The following LRFN5 variants were observed in gnomAD, a reference collection of about 807,000 sequenced individuals.
LRFN5 encodes leucine-rich repeat and fibronectin type-III domain-containing protein 5.
A neutral mutation model predicts 45.6 loss-of-function variants in LRFN5; 24 were observed. The observed-to-expected ratio is 0.53, with a 90% confidence interval of 0.38 to 0.74. The LOEUF (loss-of-function observed/expected upper bound fraction) is 0.74. Among genes scored for constraint, LRFN5 ranks in the 30% least tolerant of loss-of-function variants. The probability of loss-of-function intolerance (pLI) is 0.00; values close to 1 mark genes in which losing one functional copy is unlikely to be tolerated. For missense variants in LRFN5, 776 were observed against 861.5 expected, an observed-to-expected ratio of 0.90 and a Z score of 1.24; for synonymous variants, 340 against 313.8, an observed-to-expected ratio of 1.08 and a Z score of -0.88.
chr14:41,886,638 C>A lies in LRFN5; in HGVS notation c.13C>A (p.Leu5Ile), dbSNP rs1288934603. The part of the protein sequence containing the change: MEKI[L>I]FYLFLIGIAV... ...AACCTGATCTACAATGGAAAAAATT[C>A]TTTTTTATCTGTTTCTCATTGGCAT... Residue 5 changes from leucine to isoleucine, a missense_variant, in exon 3 of 6, where the codon CTT becomes ATT. Physicochemically the swap from Leu to Ile is conservative, Grantham distance 5 (BLOSUM62 2). Around this residue, in one of 2 missense-constraint regions of LRFN5, gnomAD observed 311 missense variants for 405.1 expected, o/e 0.77. Transcript: ENST00000298119. The A allele has an allele frequency of 5.1e-6, 8 of 1,577,786 alleles. No homozygotes were observed. The highest frequency in any genetic ancestry group is 2.2e-5 in the East Asian group (1 of 44,602).
At chr14:41,767,914 AT>A (rs200659628) in intron 2 of LRFN5, among the ~76,000 whole-genome samples, 5 of 151,094 alleles carry the variant, frequency 3.3e-5, no homozygotes, top group South Asian at 2.1e-4. Flanking sequence ...TGTTTGAGGC[AT>A]TTTTTTTTCT....
chr14:41,805,553 AC>A lies in LRFN5; in HGVS notation c.-21+38532del, dbSNP rs545584340. 9.9e-4 allele frequency among the ~76,000 whole-genome samples: 128 copies of A among 129,936 alleles called. 1 individual carries two copies. Among genetic ancestry groups the A allele is most frequent in the Non-Finnish European group, 1.7e-3 (102 of 60,354 alleles). The allele number at this position is 129,936 out of a possible 152,430, so 85.2% of individuals were successfully genotyped here. On this transcript the variant is annotated intron_variant, in intron 2 of 5. Coordinates refer to ENST00000298119, the MANE Select transcript of LRFN5 (RefSeq NM_152447.5). ...GTATATCTCCCAATGCTATCCCTCC[AC>A]CCCCCCCACCCCACAGCAGTACCCA...
intron 2 of LRFN5, among the ~76,000 whole-genome samples, chr14:41,817,426 T>G (rs986101986): frequency 5.9e-5 from 9 of 151,854 alleles, no homozygotes; most frequent in African/African-American, 2.2e-4. Flanking sequence ...TGGATAGGAG[T>G]GGAGAAGCCT....
At chr14:41,843,061 A>T (rs116520830) in intron 2 of LRFN5, among the ~76,000 whole-genome samples, 2,365 of 140,778 alleles carry the variant, frequency 0.017, 58 homozygotes, top group African/African-American at 0.058. Context: ...TTTGTTAAAA[A>T]TTTTCGTTTT....
At chr14:41,690,457 G>T (rs1243863430) in intron 1 of LRFN5, among the ~76,000 whole-genome samples, 1 of 152,124 alleles carries the variant, frequency 6.6e-6, no homozygotes, top group Non-Finnish European at 1.5e-5. Context: ...AGAGGCTGAG[G>T]CATGAAAATC....
At position 41,617,898 on chromosome 14, in the gene LRFN5, T is replaced by C. The variant is rs1044584926; in HGVS notation, c.-197+9336T>C. Among the ~76,000 whole-genome samples the C allele has an allele frequency of 7.9e-5, 12 of 152,266 alleles. No individual in the cohort carries two copies. In the East Asian group the frequency reaches 2.1e-3, roughly 27 times the overall value. ...ATGATGGGGTGAAACTTACAGATCATCTGTCCATCATGAACACTCTGGCAT... is the reference window on the plus strand; with the variant it reads ...ATGATGGGGTGAAACTTACAGATCACCTGTCCATCATGAACACTCTGGCAT... On this transcript the variant is annotated intron_variant, in intron 1 of 5. Coordinates refer to ENST00000298119, the MANE Select transcript of LRFN5 (RefSeq NM_152447.5).
chr14:41,788,487 T>C (rs1594709989), intron 2 of LRFN5, among the ~76,000 whole-genome samples: 1 of 152,090 alleles, frequency 6.6e-6, no homozygotes, highest in South Asian at 2.1e-4. Flanking sequence ...AAGAAGTAGA[T>C]GCAGGAAAGC....
At chr14:41,889,019 G>A (rs1248203473) in intron 3 of LRFN5, among the ~76,000 whole-genome samples, 6 of 147,246 alleles carry the variant, frequency 4.1e-5, no homozygotes, top group South Asian at 2.1e-4. Flanking sequence ...ATATGTGTGT[G>A]TATATATACA....
chr14:41,874,169 T>C (rs1244190899), intron 2 of LRFN5, among the ~76,000 whole-genome samples: 5 of 152,198 alleles, frequency 3.3e-5, no homozygotes, highest in African/African-American at 1.2e-4. Flanking sequence ...CATTTCACAT[T>C]TGTGGCAATG....
At chr14:41,875,439 G>A (rs764920876) in intron 2 of LRFN5, among the ~76,000 whole-genome samples, 1 of 152,204 alleles carries the variant, frequency 6.6e-6, no homozygotes, top group Non-Finnish European at 1.5e-5. Context: ...ACAGTTCCTA[G>A]TAGTATTTAC....
intron 5 of LRFN5, among the ~76,000 whole-genome samples, chr14:41,901,637 T>C (rs181181704): frequency 6.6e-6 from 1 of 152,224 alleles, no homozygotes; most frequent in Admixed American, 6.6e-5. Flanking sequence ...ATTTTTTAGA[T>C]AATTAATATA....
At chr14:41,823,636 G>A (rs565250316) in intron 2 of LRFN5, among the ~76,000 whole-genome samples, 1 of 152,130 alleles carries the variant, frequency 6.6e-6, no homozygotes, top group East Asian at 1.9e-4. Context: ...AGTTTGTCTT[G>A]CAATGTATTT....
chr14:41,684,552 C>T (rs1042845331), intron 1 of LRFN5, among the ~76,000 whole-genome samples: 1 of 152,160 alleles, frequency 6.6e-6, no homozygotes, highest in Non-Finnish European at 1.5e-5. Flanking sequence ...TGAGTTACCT[C>T]CACGTGGTCT....
chr14:41,694,164 C>T (rs947912196), intron 1 of LRFN5, among the ~76,000 whole-genome samples: 7 of 151,998 alleles, frequency 4.6e-5, no homozygotes, highest in Middle Eastern at 6.8e-3. Flanking sequence ...TATACATCAT[C>T]TCATTTACTT....
In LRFN5 at chr14:41,607,298, A is replaced by G. The variant is rs1312514534; in HGVS notation, c.-1461A>G. On this transcript the variant is annotated 5_prime_UTR_variant, in exon 1 of 6. Transcript: ENST00000298119. ...TATAATCCATTTTGCACGGTCCGTT[A>G]TATCAGAAAAAAAAAGCGCAACTGG... is the stretch of plus-strand genomic sequence containing the variant. Among the ~76,000 whole-genome samples, 1 of 121,888 alleles carries G rather than the reference A, an allele frequency of 8.2e-6. No homozygotes were observed. Among genetic ancestry groups the G allele is most frequent in the Non-Finnish European group, 1.9e-5 (1 of 51,954 alleles). 80.0% of individuals were successfully genotyped at this position (121,888 alleles called of 152,430 possible).
At chr14:41,829,150 C>T (rs1260657978) in intron 2 of LRFN5, among the ~76,000 whole-genome samples, 1 of 151,870 alleles carries the variant, frequency 6.6e-6, no homozygotes, top group Non-Finnish European at 1.5e-5. Flanking sequence ...ATGTCATTTG[C>T]ATAATTACAT....
intron 1 of LRFN5, among the ~76,000 whole-genome samples, chr14:41,657,198 T>C (rs1880418897): frequency 6.6e-6 from 1 of 151,938 alleles, no homozygotes; most frequent in African/African-American, 2.4e-5. Context: ...GGTAAAAGGA[T>C]TTTCCTAATT....
chr14:41,760,110 A>C (rs1566657394), intron 1 of LRFN5, among the ~76,000 whole-genome samples: 1 of 152,168 alleles, frequency 6.6e-6, no homozygotes, highest in East Asian at 1.9e-4. Flanking sequence ...ATTTGCTTCT[A>C]TTTAGTTTTC....
In LRFN5 at chr14:41,607,012, G is replaced by C. The variant is rs1887509671; in HGVS notation, c.-1747G>C. Among the ~76,000 whole-genome samples, 1 of 152,118 alleles carries C rather than the reference G, an allele frequency of 6.6e-6. No homozygotes were observed. The highest frequency in any genetic ancestry group is 1.5e-5 in the Non-Finnish European group (1 of 67,998). On this transcript the variant is annotated 5_prime_UTR_variant, in exon 1 of 6. Transcript: ENST00000298119. ...GCCGCGGCCGCAGCCCCGGACCTCGGCTGCTTGCCTCGCGCCTGAACTGCG... is the reference window on the plus strand; with the variant it reads ...GCCGCGGCCGCAGCCCCGGACCTCGCCTGCTTGCCTCGCGCCTGAACTGCG...
Sources: allele counts gnomAD v4.1 joint callset (sites outside exome capture counted in the v4.1 genomes callset), GRCh38; gene constraint gnomAD v4.1.1; regional missense constraint gnomAD v4.1.1; transcripts MANE v1.5; gene names NCBI Gene and HGNC (gene_info 2026-07-23, HGNC 2026-07-21).